TDRD9: variants seen among roughly 807,000 people sequenced by gnomAD.
TDRD9 encodes tudor domain containing 9.
Under a neutral mutation model 172.6 loss-of-function variants are expected in TDRD9, and 124 were observed. The ratio of observed to expected loss-of-function variants is 0.72; its 90% confidence interval spans 0.62 to 0.83. TDRD9 has a LOEUF of 0.83. Ranked by LOEUF, TDRD9 falls within the 40% of genes least tolerant of loss-of-function variation. The pLI, the probability that TDRD9 is intolerant of heterozygous loss-of-function variation, is 0.00. For missense variants in TDRD9, 1,479 were observed against 1,714.1 expected, an observed-to-expected ratio of 0.86 and a Z score of 2.42; for synonymous variants, 619 against 617.1, an observed-to-expected ratio of 1.00 and a Z score of -0.05.
In TDRD9 at chr14:104,004,480, G is replaced by A. The variant is rs2034371614; in HGVS notation, c.1581+145G>A. The A allele has an allele frequency of 1.5e-5, 7 of 466,362 alleles. No individual in the cohort carries two copies. The South Asian group carries it at 1.9e-4, about 13-fold the overall frequency. 28.9% of individuals were successfully genotyped at this position (466,362 alleles called of 1,614,324 possible). A position where few individuals can be genotyped will look rare whatever the true frequency, so the allele number is the denominator to read the frequency against. On this transcript the variant is annotated intron_variant, in intron 14 of 35. Coordinates refer to ENST00000409874, the MANE Select transcript of TDRD9 (RefSeq NM_153046.3). ...ACTGCAATCTGCCTCCCGGGTTTACGCGATTCTGCTGCCTCAGCCTCCCAA... is the reference window on the plus strand; with the variant it reads ...ACTGCAATCTGCCTCCCGGGTTTACACGATTCTGCTGCCTCAGCCTCCCAA...
intron 1 of TDRD9, among the ~76,000 whole-genome samples, chr14:103,938,167 A>G (rs575634388): frequency 1.8e-4 from 27 of 152,060 alleles, no homozygotes; most frequent in African/African-American, 6.3e-4. Context: ...TGTGTAAGAG[A>G]ATTACTTTAA....
rs199793204 is a variant in TDRD9 at position 103,980,979 on chromosome 14, A to AT, written c.1012-5236dup. On this transcript the variant is annotated intron_variant, in intron 7 of 35. Coordinates refer to ENST00000409874, the MANE Select transcript of TDRD9 (RefSeq NM_153046.3). This position sits in a 1 kb window ranked among gnomAD's most constrained non-coding sequence, Gnocchi z 4.5. ...TATTATAATATTGGAATAAAGAGTA[A>AT]TTACTACAAACTAATGATTAATGAT... Among the ~76,000 whole-genome samples the AT allele has an allele frequency of 0.015, 2,260 of 152,270 alleles. 65 individuals are homozygous for AT. The highest frequency in any genetic ancestry group is 0.052 in the African/African-American group (2,144 of 41,544).
intron 19 of TDRD9, 49 bp from the exon 20 acceptor site, chr14:104,008,364 T>C: frequency 9.3e-7 from 1 of 1,080,588 alleles, no homozygotes; most frequent in Non-Finnish European, 1.4e-6. Flanking sequence ...TAAATTCAGC[T>C]CTAATTTATT....
At chr14:103,933,557 A>G (rs912053614) in intron 1 of TDRD9, among the ~76,000 whole-genome samples, 10 of 152,050 alleles carry the variant, frequency 6.6e-5, no homozygotes, top group African/African-American at 2.4e-4. Context: ...ATTTCATTTT[A>G]CTATTATTAT....
chr14:104,002,147 C>G (rs1295287720), intron 13 of TDRD9, among the ~76,000 whole-genome samples: 1 of 151,248 alleles, frequency 6.6e-6, no homozygotes, highest in Non-Finnish European at 1.5e-5. Flanking sequence ...TGGCAAAACC[C>G]TATCTCTATA....
chr14:103,964,974 G>T (rs1272334290), intron 3 of TDRD9, among the ~76,000 whole-genome samples: 2 of 152,152 alleles, frequency 1.3e-5, no homozygotes, highest in African/African-American at 4.8e-5. Flanking sequence ...TTGGGAGGCT[G>T]AGGCAGGCGG....
intron 1 of TDRD9, 199 bp downstream of exon 1, chr14:103,928,923 G>C (rs1232770891): frequency 5.5e-6 from 1 of 182,978 alleles, no homozygotes; most frequent in African/African-American, 2.8e-5. Flanking sequence ...CTGAGCTAGA[G>C]GTTTTTTTTT....
intron 20 of TDRD9, among the ~76,000 whole-genome samples, chr14:104,010,932 G>A (rs575833256): frequency 2.6e-5 from 4 of 152,302 alleles, no homozygotes; most frequent in African/African-American, 7.2e-5. Context: ...TGTTGTTCAG[G>A]GGTGAACTGA....
chr14:103,965,474 C>T lies in TDRD9; in HGVS notation c.562C>T (p.Arg188Trp), dbSNP rs552190625. The T allele has an allele frequency of 3.2e-5, 50 of 1,542,812 alleles. No homozygotes were observed. Among genetic ancestry groups the T allele is most frequent in the South Asian group, 7.2e-5 (6 of 83,872 alleles). The change falls in exon 4 of 36, where the codon CGG becomes TGG. Residue 188 changes from arginine (R) to tryptophan (W), a missense_variant. Arg to Trp is a moderately radical substitution (Grantham distance 101). Transcript: ENST00000409874. ...AYCSIVVTQP[R>W]KIGASSIARW... ...CTGCAGCATTGTGGTCACCCAGCCC[C>T]GGAAGATAGGGGCAAGCAGCATCGC...
chr14:104,032,565 C>T (rs1297417846), intron 30 of TDRD9, among the ~76,000 whole-genome samples: 5 of 152,226 alleles, frequency 3.3e-5, no homozygotes, highest in Non-Finnish European at 7.3e-5. Context: ...GGTAGTCTCT[C>T]TCTCACACAC....
At chr14:103,983,351 C>T (rs765460739) in intron 7 of TDRD9, among the ~76,000 whole-genome samples, 39 of 152,104 alleles carry the variant, frequency 2.6e-4, no homozygotes, top group Middle Eastern at 3.4e-3. Context: ...GCATGAGCCA[C>T]CGTGCCCAGC....
At chr14:104,044,462 A>G (rs11626187) in intron 34 of TDRD9, among the ~76,000 whole-genome samples, 78,146 of 152,138 alleles carry the variant, frequency 0.51, 21,470 homozygotes, top group South Asian at 0.63. Context: ...CTGTCCATTT[A>G]CACGCAGTCT....
intron 7 of TDRD9, among the ~76,000 whole-genome samples, chr14:103,985,738 C>G (rs191934297): frequency 3.9e-5 from 6 of 152,102 alleles, no homozygotes; most frequent in African/African-American, 1.4e-4. Context: ...TTGGTAGATA[C>G]GGATGTGACG....
intron 13 of TDRD9, among the ~76,000 whole-genome samples, chr14:104,003,838 A>T (rs2034343210): frequency 6.6e-6 from 1 of 152,088 alleles, no homozygotes; most frequent in Non-Finnish European, 1.5e-5. Flanking sequence ...CAGCTCCTCG[A>T]TGGCATTGTA....
chr14:104,025,745 A>C lies in TDRD9; in HGVS notation c.2900A>C (p.Gln967Pro), dbSNP rs748759998. Residue 967 changes from glutamine to proline, a missense_variant, in exon 26 of 36, where the codon CAA becomes CCA. By Grantham distance (76) the Gln-to-Pro change is moderately conservative. Around this residue, in one of 3 missense-constraint regions of TDRD9, gnomAD observed 1,413 missense variants for 1,649.1 expected, o/e 0.86. Coordinates refer to ENST00000409874, the MANE Select transcript of TDRD9 (RefSeq NM_153046.3). ...DFDKQRYFRA[Q>P]VLYVSGNSAE... Reference sequence around the variant, plus strand: ...GATAAACAACGCTACTTTAGAGCTCAAGTCCTTTATGTTTCTGGAAATTCT... The same window carrying C: ...GATAAACAACGCTACTTTAGAGCTCCAGTCCTTTATGTTTCTGGAAATTCT... 1 of 1,614,008 alleles carries C rather than the reference A, an allele frequency of 6.2e-7. No individual in the cohort carries two copies. Among genetic ancestry groups the C allele is most frequent in the Non-Finnish European group, 8.5e-7 (1 of 1,179,882 alleles).
At chr14:103,959,144 G>A (rs1265808263) in intron 2 of TDRD9, among the ~76,000 whole-genome samples, 2 of 152,202 alleles carry the variant, frequency 1.3e-5, no homozygotes, top group Non-Finnish European at 2.9e-5. Context: ...AGACTTGATG[G>A]TGTCTTTGAC....
At chr14:104,009,948 T>G (rs1183749007) in intron 20 of TDRD9, among the ~76,000 whole-genome samples, 1 of 124,644 alleles carries the variant, frequency 8.0e-6, no homozygotes, top group African/African-American at 3.1e-5. Flanking sequence ...TCTTTCTTTC[T>G]TTTTTTTTTT....
At position 104,018,173 on chromosome 14, in the gene TDRD9, A is replaced by G. The variant is rs777214420; in HGVS notation, c.2413A>G (p.Ile805Val). ...LFRQCGQVKS[I>V]VFDGAKAFVE... ...TAGACAGTGTGGTCAAGTCAAATCC[A>G]TTGTATTTGATGGTGCAAAGTAAGT... is the stretch of plus-strand genomic sequence containing the variant. The change falls in exon 23 of 36, where the codon ATT (isoleucine) becomes GTT (valine). Residue 805 changes from isoleucine (I) to valine (V), a missense_variant. Transcript: ENST00000409874. The G allele has an allele frequency of 3.8e-6, 6 of 1,596,084 alleles. No homozygotes were observed. In the South Asian group the frequency reaches 6.7e-5, roughly 18 times the overall value.
chr14:103,941,636 A>G (rs1566726411), intron 1 of TDRD9: 3 of 1,535,252 alleles, frequency 2.0e-6, no homozygotes, highest in Middle Eastern at 1.7e-4. Flanking sequence ...CTGAGCCAGG[A>G]TAGTGTGTGG....
Sources: allele counts gnomAD v4.1 joint callset (sites outside exome capture counted in the v4.1 genomes callset), GRCh38; gene constraint gnomAD v4.1.1; regional missense constraint gnomAD v4.1.1; non-coding constraint Gnocchi (gnomAD v3.1); transcripts MANE v1.5; gene names NCBI Gene and HGNC (gene_info 2026-07-23, HGNC 2026-07-21).